The following MB21D2 variants were observed in gnomAD, a reference collection of about 807,000 sequenced individuals.
The protein encoded by MB21D2 is Mab-21 domain containing 2.
A neutral mutation model predicts 33.3 loss-of-function variants in MB21D2; 9 were observed. The observed-to-expected ratio is 0.27, with a 90% confidence interval of 0.16 to 0.47. The LOEUF is 0.47. Among genes scored for constraint, MB21D2 ranks in the 20% least tolerant of loss-of-function variants. The probability of loss-of-function intolerance (pLI) is 0.99; values close to 1 mark genes in which losing one functional copy is unlikely to be tolerated. For synonymous variants in MB21D2, 241 were observed against 236.3 expected, an observed-to-expected ratio of 1.02 and a Z score of -0.18; for missense variants, 540 against 624.6, an observed-to-expected ratio of 0.86 and a Z score of 1.44.
intron 1 of MB21D2, among the ~76,000 whole-genome samples, chr3:192,825,414 G>T (rs1712153823): frequency 6.6e-6 from 1 of 152,164 alleles, no homozygotes; most frequent in South Asian, 2.1e-4. Context: ...AGGCCTCAGA[G>T]ATCATCTAGT....
At chr3:192,892,528 C>G (rs1031079892) in intron 1 of MB21D2, among the ~76,000 whole-genome samples, 1 of 152,184 alleles carries the variant, frequency 6.6e-6, no homozygotes, top group Non-Finnish European at 1.5e-5. Context: ...GCAACCTCTG[C>G]CTCCCAGGTT....
At chr3:192,872,951 C>A (rs746650832) in intron 1 of MB21D2, among the ~76,000 whole-genome samples, 1 of 152,064 alleles carries the variant, frequency 6.6e-6, no homozygotes, top group Non-Finnish European at 1.5e-5. Flanking sequence ...CCCAACAGAT[C>A]CCAAATTTAG....
chr3:192,867,775 T>C (rs1713201216), intron 1 of MB21D2, among the ~76,000 whole-genome samples: 1 of 152,200 alleles, frequency 6.6e-6, no homozygotes, highest in Non-Finnish European at 1.5e-5. Context: ...GATGGTTTGC[T>C]AGTTTTCAGC....
At chr3:192,899,724 CA>C (rs1032143867) in intron 1 of MB21D2, among the ~76,000 whole-genome samples, 7 of 152,062 alleles carry the variant, frequency 4.6e-5, no homozygotes, top group Middle Eastern at 3.4e-3. Flanking sequence ...AAACATAGTC[CA>C]AAAAAGGTAG....
chr3:192,812,196 C>A (rs1203190592), intron 1 of MB21D2, among the ~76,000 whole-genome samples: 1 of 151,948 alleles, frequency 6.6e-6, no homozygotes, highest in Non-Finnish European at 1.5e-5. Context: ...TACAGATGTG[C>A]GCCACCACGC....
At chr3:192,899,376 A>G (rs554700322) in intron 1 of MB21D2, among the ~76,000 whole-genome samples, 2 of 152,268 alleles carry the variant, frequency 1.3e-5, no homozygotes, top group East Asian at 1.9e-4. Context: ...TAAAAATACA[A>G]TAATTAGCCA....
intron 1 of MB21D2, among the ~76,000 whole-genome samples, chr3:192,827,242 C>T (rs771845560): frequency 7.9e-5 from 12 of 152,070 alleles, no homozygotes. Flanking sequence ...AGCTTCCTCT[C>T]AAATTAAGAA....
intron 1 of MB21D2, among the ~76,000 whole-genome samples, chr3:192,868,600 A>C (rs145395175): frequency 9.1e-4 from 138 of 152,280 alleles, no homozygotes; most frequent in Non-Finnish European, 1.5e-3. Flanking sequence ...TCCGTTCCTA[A>C]ATAATCAGTC....
chr3:192,845,336 G>A (rs1353534178), intron 1 of MB21D2, among the ~76,000 whole-genome samples: 1 of 152,228 alleles, frequency 6.6e-6, no homozygotes, highest in African/African-American at 2.4e-5. Flanking sequence ...TCAGGCAACT[G>A]CCTTTCGCAT....
intron 1 of MB21D2, among the ~76,000 whole-genome samples, chr3:192,893,803 C>G (rs11923130): frequency 0.22 from 33,136 of 151,950 alleles, 3,975 homozygotes; most frequent in East Asian, 0.52. Context: ...GGGAGGCCCA[C>G]GGTGGGAGGA....
chr3:192,856,155 T>C (rs1249912722), intron 1 of MB21D2, among the ~76,000 whole-genome samples: 1 of 152,212 alleles, frequency 6.6e-6, no homozygotes, highest in Non-Finnish European at 1.5e-5. Context: ...ATGTTCAGAA[T>C]AAAATCACTC....
intron 1 of MB21D2, among the ~76,000 whole-genome samples, chr3:192,904,604 G>A (rs780545753): frequency 3.9e-5 from 6 of 152,152 alleles, no homozygotes; most frequent in Non-Finnish European, 7.3e-5. Context: ...AAATTCTCAG[G>A]CTCCATTCCA....
intron 1 of MB21D2, among the ~76,000 whole-genome samples, chr3:192,897,933 TG>T (rs1181773744): frequency 6.6e-6 from 1 of 151,528 alleles, no homozygotes; most frequent in African/African-American, 2.4e-5. Context: ...CACTCCAGCC[TG>T]GGTGACAGAG....
At chr3:192,854,475 T>TATAAC (rs1448075834) in intron 1 of MB21D2, among the ~76,000 whole-genome samples, 2 of 152,226 alleles carry the variant, frequency 1.3e-5, no homozygotes, top group Non-Finnish European at 1.5e-5. Flanking sequence ...AAGTCATCTC[T>TATAAC]ATAACATAGA....
chr3:192,821,648 G>A (rs764849007), intron 1 of MB21D2, among the ~76,000 whole-genome samples: 2 of 152,186 alleles, frequency 1.3e-5, no homozygotes, highest in South Asian at 2.1e-4. Context: ...AAGTTAAGGC[G>A]CTAATTAACA....
intron 1 of MB21D2, among the ~76,000 whole-genome samples, chr3:192,805,731 AAAAC>A (rs1711646996): frequency 6.6e-6 from 1 of 152,194 alleles, no homozygotes; most frequent in South Asian, 2.1e-4. Flanking sequence ...TATCTATTAA[AAAAC>A]AAACAAATTG....
rs1269648546 is a variant in MB21D2, at chr3:192,799,346, A to G, written c.516T>C (p.Asn172=). 1.2e-6 allele frequency: 2 copies of G among 1,614,254 alleles called. No homozygotes were observed. Among genetic ancestry groups the G allele is most frequent in the East Asian group, 2.2e-5 (1 of 44,884 alleles). Residue 172 remains asparagine, a synonymous_variant, in exon 2 of 2, where the codon AAT becomes AAC. Transcript: ENST00000392452. This position sits in a 1 kb window ranked among gnomAD's most constrained non-coding sequence, Gnocchi z 4.1. ...GTGAGAAGAAGTAGTTGGTGGCACC[A>G]TTGATGTGATCTACAATGGTGCAGC... is the stretch of plus-strand genomic sequence containing the variant. The part of the protein sequence containing the change: ...KDCCTIVDHI[N]GATNYFFSPT...
In MB21D2 at chr3:192,805,972, A is replaced by T. The variant is rs186181408; in HGVS notation, c.212-6322T>A. Among the ~76,000 whole-genome samples, 8 of 152,332 alleles carry T rather than the reference A, an allele frequency of 5.3e-5. No homozygotes were observed. The East Asian group carries it at 1.5e-3, about 29-fold the overall frequency. On this transcript the variant is annotated intron_variant, in intron 1 of 1. Transcript: ENST00000392452. ...CTAGCACATGCAAGGCACACAAAAC[A>T]TGTTAGATGAAGGGAAATGAATGAA...
chr3:192,878,123 G>A (rs540342069), intron 1 of MB21D2, among the ~76,000 whole-genome samples: 17 of 132,376 alleles, frequency 1.3e-4, no homozygotes, highest in Middle Eastern at 4.4e-3. Flanking sequence ...TTTTTGAGAC[G>A]GAGTCTCGCT....
Sources: gnomAD v4.1 joint callset for allele counts (sites outside exome capture counted in the v4.1 genomes callset) on GRCh38, gnomAD v4.1.1 for gene constraint, Gnocchi (gnomAD v3.1) non-coding constraint, MANE v1.5 for transcripts, NCBI Gene and HGNC (gene_info 2026-07-23, HGNC 2026-07-21) for gene names.